The following ZNF804A variants were observed in gnomAD, a reference collection of about 807,000 sequenced individuals.
The protein encoded by ZNF804A is zinc finger protein 804A.
In ZNF804A, 2 loss-of-function variants were observed where a neutral mutation model predicts 16.5. The ratio of observed to expected loss-of-function variants is 0.12; its 90% CI spans 0.05 to 0.38. The LOEUF (loss-of-function observed/expected upper bound fraction) is 0.38, where lower values mean the gene tolerates loss of function less well. Among genes scored for constraint, ZNF804A ranks in the 10% least tolerant of loss-of-function variants. The pLI, the probability that ZNF804A is intolerant of heterozygous loss-of-function variation, is 0.99. For synonymous variants in ZNF804A, 534 were observed against 489.6 expected (o/e 1.09, Z -1.20); for missense variants, 1,473 against 1,390.7 (o/e 1.06, Z -0.94).
intron 1 of ZNF804A, among the ~76,000 whole-genome samples, chr2:184,622,274 T>C (rs563396059): frequency 4.6e-5 from 7 of 151,970 alleles, no homozygotes; most frequent in Non-Finnish European, 8.9e-5. Flanking sequence ...TGTCATGAAA[T>C]AGGAAGTATT....
intron 1 of ZNF804A, among the ~76,000 whole-genome samples, chr2:184,843,434 T>G (rs993588329): frequency 6.6e-6 from 1 of 151,444 alleles, no homozygotes; most frequent in African/African-American, 2.4e-5. Flanking sequence ...GGCTAATTTT[T>G]TTTTTGTGTG....
At chr2:184,709,981 A>G (rs1478804296) in intron 1 of ZNF804A, among the ~76,000 whole-genome samples, 1 of 150,976 alleles carries the variant, frequency 6.6e-6, no homozygotes, top group African/African-American at 2.4e-5. Flanking sequence ...AATATATAGT[A>G]TTTATATTGC....
rs191328738 is a variant in ZNF804A at position 184,886,724 on chromosome 2, C to A, written c.255+20212C>A. Among the ~76,000 whole-genome samples the A allele has an allele frequency of 5.9e-3, 899 of 152,368 alleles. 4 individuals carry two copies. The highest frequency in any genetic ancestry group is 0.019 in the South Asian group (90 of 4,832). ...GCGCTTGCACCCTCCAAAGCCACAG[C>A]CCAAGCTGTATGTTGGCCCCTTTCA... On this transcript the variant is annotated intron_variant, in intron 2 of 3. Coordinates refer to ENST00000302277, the MANE Select transcript of ZNF804A (RefSeq NM_194250.2).
chr2:184,791,896 A>G (rs1348096070), intron 1 of ZNF804A, among the ~76,000 whole-genome samples: 1 of 152,134 alleles, frequency 6.6e-6, no homozygotes, highest in Non-Finnish European at 1.5e-5. Context: ...TTTTTCCAGA[A>G]TGCTATATAG....
intron 1 of ZNF804A, among the ~76,000 whole-genome samples, chr2:184,801,164 T>C (rs897815090): frequency 2.0e-5 from 3 of 152,172 alleles, no homozygotes; most frequent in Admixed American, 6.5e-5. Flanking sequence ...CTAATTTCTG[T>C]TGACAATTGT....
At chr2:184,604,544 T>C (rs899266944) in intron 1 of ZNF804A, among the ~76,000 whole-genome samples, 1 of 152,106 alleles carries the variant, frequency 6.6e-6, no homozygotes, top group African/African-American at 2.4e-5. Context: ...TGGAATTATA[T>C]TCAGGGCCAA....
chr2:184,685,465 T>A (rs951858169), intron 1 of ZNF804A, among the ~76,000 whole-genome samples: 1 of 152,092 alleles, frequency 6.6e-6, no homozygotes, highest in African/African-American at 2.4e-5. Context: ...CAGTCCCCCC[T>A]TTTGTAGGGT....
At chr2:184,754,041 T>C (rs974324645) in intron 1 of ZNF804A, among the ~76,000 whole-genome samples, 1 of 151,840 alleles carries the variant, frequency 6.6e-6, no homozygotes, top group Non-Finnish European at 1.5e-5. Flanking sequence ...CATATCTGTA[T>C]TTATGATCTG....
chr2:184,848,903 C>T (rs1695561592), intron 1 of ZNF804A, among the ~76,000 whole-genome samples: 1 of 152,002 alleles, frequency 6.6e-6, no homozygotes, highest in African/African-American at 2.4e-5. Context: ...ATAATCTTAG[C>T]CCAGTGCTTC....
At chr2:184,907,541 C>T (rs568213595) in intron 2 of ZNF804A, among the ~76,000 whole-genome samples, 1 of 152,056 alleles carries the variant, frequency 6.6e-6, no homozygotes, top group African/African-American at 2.4e-5. Context: ...ATCACTTCGC[C>T]TCTGTAGCAC....
At chr2:184,705,490 C>T (rs1693010044) in intron 1 of ZNF804A, among the ~76,000 whole-genome samples, 1 of 152,098 alleles carries the variant, frequency 6.6e-6, no homozygotes, top group Non-Finnish European at 1.5e-5. Context: ...TTCTCATTTT[C>T]ATATTTAATA....
intron 1 of ZNF804A, among the ~76,000 whole-genome samples, chr2:184,741,941 G>C (rs1291877549): frequency 6.6e-6 from 1 of 151,918 alleles, no homozygotes; most frequent in Admixed American, 6.6e-5. Context: ...TTATAGAGAA[G>C]CAATACAGTC....
chr2:184,883,357 C>T (rs908738295), intron 2 of ZNF804A, among the ~76,000 whole-genome samples: 11 of 151,994 alleles, frequency 7.2e-5, no homozygotes, highest in Non-Finnish European at 2.9e-5. Context: ...TAAAGAAGAG[C>T]TGGTACCACT....
At chr2:184,875,288 A>G (rs10210216) in intron 2 of ZNF804A, among the ~76,000 whole-genome samples, 65,369 of 152,080 alleles carry the variant, frequency 0.43, 16,924 homozygotes, top group East Asian at 0.82. Context: ...TAAGACCTAA[A>G]GGGAAGTGCT....
intron 1 of ZNF804A, among the ~76,000 whole-genome samples, chr2:184,643,623 G>C (rs994419233): frequency 4.0e-5 from 6 of 151,658 alleles, no homozygotes; most frequent in African/African-American, 1.5e-4. Context: ...CTTTATTGTG[G>C]ATTCTTCTAA....
At chr2:184,844,360 T>C (rs1404906269) in intron 1 of ZNF804A, among the ~76,000 whole-genome samples, 1 of 152,128 alleles carries the variant, frequency 6.6e-6, no homozygotes, top group African/African-American at 2.4e-5. Flanking sequence ...TTACATCATT[T>C]TCTTCCTGAA....
intron 1 of ZNF804A, among the ~76,000 whole-genome samples, chr2:184,691,070 G>T (rs1168386304): frequency 6.6e-6 from 1 of 151,906 alleles, no homozygotes; most frequent in Non-Finnish European, 1.5e-5. Context: ...ATATTTAGCG[G>T]GGTTCACTCC....
intron 1 of ZNF804A, among the ~76,000 whole-genome samples, chr2:184,798,116 T>C (rs1574217567): frequency 6.6e-6 from 1 of 151,704 alleles, no homozygotes; most frequent in East Asian, 1.9e-4. Context: ...GCTTTTAATC[T>C]GATAGTCTTT....
At chr2:184,905,946 G>C (rs953510351) in intron 2 of ZNF804A, among the ~76,000 whole-genome samples, 1 of 152,150 alleles carries the variant, frequency 6.6e-6, no homozygotes, top group South Asian at 2.1e-4. Context: ...TTCCTTAGCT[G>C]TATTTCTTGT....
Sources: allele counts gnomAD v4.1 joint callset (sites outside exome capture counted in the v4.1 genomes callset), GRCh38; gene constraint gnomAD v4.1.1; transcripts MANE v1.5; gene names NCBI Gene and HGNC (gene_info 2026-07-23, HGNC 2026-07-21).